The following TSHZ2 variants were observed in gnomAD, a reference collection of about 807,000 sequenced individuals.
TSHZ2 encodes the protein teashirt zinc finger homeobox 2.
Under a neutral mutation model 74.4 loss-of-function variants are expected in TSHZ2, and 21 were observed. That is an observed-to-expected ratio of 0.28 (90% CI 0.20 to 0.41). The LOEUF is 0.41. Ranked by LOEUF, TSHZ2 falls within the 10% of genes least tolerant of loss-of-function variation. TSHZ2 has a pLI of 1.00. For synonymous variants in TSHZ2, 540 were observed against 515.3 expected, an observed-to-expected ratio of 1.05 and a Z score of -0.65; for missense variants, 1,244 against 1,293.5, an observed-to-expected ratio of 0.96 and a Z score of 0.59.
chr20:53,459,813 A>T (rs1202414496), intron 2 of TSHZ2, among the ~76,000 whole-genome samples: 1 of 149,000 alleles, frequency 6.7e-6, no homozygotes, highest in African/African-American at 2.5e-5. Context: ...TCCTTCACTT[A>T]TGAAGCTTAG....
chr20:53,466,387 T>C, intron 2 of TSHZ2, among the ~76,000 whole-genome samples: 1 of 152,154 alleles, frequency 6.6e-6, no homozygotes, highest in East Asian at 1.9e-4. Context: ...TAAAGTCCCC[T>C]AGCTGTGTCC....
At chr20:52,995,069 C>G (rs554157270) in intron 1 of TSHZ2, among the ~76,000 whole-genome samples, 8 of 152,206 alleles carry the variant, frequency 5.3e-5, no homozygotes, top group African/African-American at 1.9e-4. Flanking sequence ...AAAGCCACAA[C>G]AAGTACCTAA....
chr20:53,383,068 C>T (rs1981915611), intron 2 of TSHZ2, among the ~76,000 whole-genome samples: 1 of 152,122 alleles, frequency 6.6e-6, no homozygotes, highest in African/African-American at 2.4e-5. Context: ...CGAGACCAGC[C>T]TGGGCAACAT....
At chr20:53,221,224 C>T (rs953410549) in intron 1 of TSHZ2, among the ~76,000 whole-genome samples, 6 of 152,182 alleles carry the variant, frequency 3.9e-5, no homozygotes, top group South Asian at 2.1e-4. Flanking sequence ...TGTGAGGCCC[C>T]CCCCGCCATG....
At chr20:53,144,484 A>AGGAG (rs1452453862) in intron 1 of TSHZ2, among the ~76,000 whole-genome samples, 3 of 152,226 alleles carry the variant, frequency 2.0e-5, no homozygotes, top group Non-Finnish European at 4.4e-5. Context: ...AATTTTTGCA[A>AGGAG]GGAGGGTTTC....
intron 1 of TSHZ2, among the ~76,000 whole-genome samples, chr20:53,237,806 C>T (rs1398433045): frequency 6.6e-6 from 1 of 152,172 alleles, no homozygotes; most frequent in Non-Finnish European, 1.5e-5. Context: ...TGTACCAGCT[C>T]TATCTATCGT....
intron 1 of TSHZ2, among the ~76,000 whole-genome samples, chr20:53,176,686 C>G (rs1427803126): frequency 6.7e-6 from 1 of 148,738 alleles, no homozygotes; most frequent in Admixed American, 6.7e-5. Context: ...TTCTTTGTTT[C>G]TTTCTTTTTT....
intron 1 of TSHZ2, among the ~76,000 whole-genome samples, chr20:53,207,026 C>A (rs1191136543): frequency 6.6e-6 from 1 of 152,196 alleles, no homozygotes; most frequent in Non-Finnish European, 1.5e-5. Context: ...TTATGCCACC[C>A]CTTACCACCT....
At position 53,489,803 on chromosome 20, in the gene TSHZ2, G is replaced by A. The variant is rs1196324276; in HGVS notation, c.*2668G>A. On this transcript the variant is annotated 3_prime_UTR_variant, in exon 3 of 3. Transcript: ENST00000371497. ...AGAAAACAAGATCTGGGCTGGCACT[G>A]GGGCATACATCACCACTCAGCATAT... 6.5e-6 allele frequency: 1 copy of A among 153,102 alleles called. No homozygotes were observed. Among genetic ancestry groups the A allele is most frequent in the Non-Finnish European group, 1.5e-5 (1 of 68,754 alleles). The allele number at this position is 153,102 out of a possible 1,614,324, so 9.5% of individuals were successfully genotyped here.
intron 1 of TSHZ2, among the ~76,000 whole-genome samples, chr20:53,209,144 G>A (rs1267699807): frequency 6.6e-6 from 1 of 152,032 alleles, no homozygotes; most frequent in African/African-American, 2.4e-5. Flanking sequence ...ACCCAGGCTA[G>A]AATGCAGTGG....
At chr20:52,995,906 G>A (rs1052048648) in intron 1 of TSHZ2, among the ~76,000 whole-genome samples, 1 of 152,098 alleles carries the variant, frequency 6.6e-6, no homozygotes, top group African/African-American at 2.4e-5. Context: ...AAAGGTGTGA[G>A]CCATTGTGCC....
chr20:53,480,648 T>A (rs1600672465), intron 2 of TSHZ2, among the ~76,000 whole-genome samples: 1 of 152,004 alleles, frequency 6.6e-6, no homozygotes, highest in Non-Finnish European at 1.5e-5. Context: ...GTCTCACACA[T>A]TGCAAGGAGC....
chr20:53,023,091 C>G (rs1165112049), intron 1 of TSHZ2, among the ~76,000 whole-genome samples: 2 of 152,168 alleles, frequency 1.3e-5, no homozygotes, highest in Non-Finnish European at 2.9e-5. Flanking sequence ...TTTCCTTCAG[C>G]CTAAAACAGT....
intron 2 of TSHZ2, among the ~76,000 whole-genome samples, chr20:53,294,337 G>A (rs1424501260): frequency 6.6e-6 from 1 of 152,188 alleles, no homozygotes; most frequent in Non-Finnish European, 1.5e-5. Flanking sequence ...ATTAGGTAAA[G>A]TCCTAATGTC....
At chr20:53,283,497 T>G (rs1991103928) in intron 2 of TSHZ2, among the ~76,000 whole-genome samples, 2 of 152,206 alleles carry the variant, frequency 1.3e-5, no homozygotes, top group African/African-American at 4.8e-5. Flanking sequence ...AGCTTTCAGC[T>G]GGTGGAGCTT....
intron 1 of TSHZ2, among the ~76,000 whole-genome samples, chr20:53,117,817 C>T (rs889836919): frequency 6.6e-6 from 1 of 152,218 alleles, no homozygotes; most frequent in African/African-American, 2.4e-5. Flanking sequence ...CTGTTCCCAT[C>T]TTTTGGCCAA....
intron 1 of TSHZ2, among the ~76,000 whole-genome samples, chr20:53,012,587 T>G (rs1440329153): frequency 6.6e-6 from 1 of 151,946 alleles, no homozygotes; most frequent in African/African-American, 2.4e-5. Context: ...TTTGGGAAGG[T>G]TCGCTTCTCC....
intron 2 of TSHZ2, among the ~76,000 whole-genome samples, chr20:53,375,270 A>G (rs112422690): frequency 1.3e-5 from 2 of 152,336 alleles, no homozygotes; most frequent in African/African-American, 2.4e-5. Context: ...AAATTATATC[A>G]AGTCTTATCT....
At chr20:53,343,426 G>C (rs6022408) in intron 2 of TSHZ2, among the ~76,000 whole-genome samples, 2 of 152,166 alleles carry the variant, frequency 1.3e-5, no homozygotes, top group Admixed American at 1.3e-4. Flanking sequence ...GTCACTTCCT[G>C]ACTCTCTGGA....
Sources: allele counts gnomAD v4.1 joint callset (sites outside exome capture counted in the v4.1 genomes callset), GRCh38; gene constraint gnomAD v4.1.1; transcripts MANE v1.5; gene names NCBI Gene and HGNC (gene_info 2026-07-23, HGNC 2026-07-21).